The following SLC5A3 variants were observed in gnomAD, a reference collection of about 807,000 sequenced individuals.
The protein encoded by SLC5A3 is solute carrier family 5 member 3.
Under a neutral mutation model 43.2 loss-of-function variants are expected in SLC5A3, and 10 were observed. That is an observed-to-expected ratio of 0.23 (90% CI 0.14 to 0.39). The LOEUF is 0.39. Ranked by LOEUF, SLC5A3 falls within the 10% of genes least tolerant of loss-of-function variation. The pLI is 1.00. For missense variants in SLC5A3, 608 were observed against 893.4 expected (o/e 0.68, Z 4.07); for synonymous variants, 349 against 322.0 (o/e 1.08, Z -0.90).
chr21:34,087,920 G>A (rs1278159272), intron 1 of SLC5A3, among the ~76,000 whole-genome samples: 2 of 152,214 alleles, frequency 1.3e-5, no homozygotes, highest in African/African-American at 4.8e-5. Context: ...TGGGTTGAGG[G>A]AGAAAGTGAG....
rs769097268 is a variant in SLC5A3, at chr21:34,095,894, C to T, written c.696C>T (p.Asn232=). Residue 232 remains asparagine (N), a synonymous_variant, in exon 2 of 2, where the codon AAC becomes AAT. Transcript: ENST00000381151. ...TCACTTCCATCTTATTGACATACAA[C>T]CTTTCCAACACAAATTCTTGTAATG... The part of the protein sequence containing the change: ...PDVTSILLTY[N]LSNTNSCNVS... 6.2e-7 allele frequency: 1 copy of T among 1,614,098 alleles called. No homozygotes were observed. Among genetic ancestry groups the T allele is most frequent in the Non-Finnish European group, 8.5e-7 (1 of 1,179,982 alleles).
rs1376867600 is a variant in SLC5A3, at chr21:34,095,159, A to G, written c.-40A>G. The G allele has an allele frequency of 7.0e-7, 1 of 1,429,864 alleles. No homozygotes were observed. Among genetic ancestry groups the G allele is most frequent in the African/African-American group, 2.6e-5 (1 of 38,490 alleles). The allele number at this position is 1,429,864 out of a possible 1,614,324, so 88.6% of individuals were successfully genotyped here. On this transcript the variant is annotated 5_prime_UTR_variant, in exon 2 of 2. Coordinates refer to ENST00000381151, the MANE Select transcript of SLC5A3 (RefSeq NM_006933.7). The stretch of plus-strand genomic sequence containing the variant: ...ACTAAAAATAAATAAAAAGTTGGAC[A>G]CTTCTGTCATTGGAGCGCTATTATT...
At chr21:34,077,493 A>G (rs575689944) in intron 1 of SLC5A3, among the ~76,000 whole-genome samples, 251 of 152,348 alleles carry the variant, frequency 1.6e-3, no homozygotes, top group Non-Finnish European at 2.8e-3. Context: ...GAATTTTTAC[A>G]TGAAGAATTA....
intron 1 of SLC5A3, among the ~76,000 whole-genome samples, chr21:34,079,978 A>G (rs141672475): frequency 1.3e-5 from 2 of 152,178 alleles, no homozygotes; most frequent in East Asian, 3.9e-4. Context: ...GAACAAATGC[A>G]GTTCTTTCTT....
rs371663426 is a variant in SLC5A3, at chr21:34,095,856, G to T, written c.658G>T (p.Ala220Ser). 8 of 1,613,910 alleles carry T rather than the reference G, an allele frequency of 5.0e-6. No individual in the cohort carries two copies. In the African/African-American group the frequency reaches 1.1e-4, roughly 22 times the overall value. ...GGAAGTTAAGAGAAGGTACATGTTG[G>T]CCTCACCCGATGTCACTTCCATCTT... ...FEEVKRRYML[A>S]SPDVTSILLT... The change falls in exon 2 of 2, where the codon GCC becomes TCC. Residue 220 changes from alanine to serine, a missense_variant. Transcript: ENST00000381151.
chr21:34,099,810 T>G lies in SLC5A3; in HGVS notation c.*2455T>G. The G allele has an allele frequency of 8.4e-6, 6 of 710,558 alleles. No homozygotes were observed. The highest frequency in any genetic ancestry group is 1.1e-5 in the Non-Finnish European group (6 of 566,400). 44.0% of individuals were successfully genotyped at this position (710,558 alleles called of 1,614,324 possible). A position where few individuals can be genotyped will look rare whatever the true frequency, so the allele number is the denominator to read the frequency against. On this transcript the variant is annotated 3_prime_UTR_variant, in exon 2 of 2. Transcript: ENST00000381151. ...CATATTCATTAGAATTGTTTATTCTTGCCAGTATAAACATCATTTTATTTA... is the reference window on the plus strand; with the variant it reads ...CATATTCATTAGAATTGTTTATTCTGGCCAGTATAAACATCATTTTATTTA...
Position 34,100,764 on chromosome 21 carries a change from T to C in SLC5A3, c.*3409T>C. On this transcript the variant is annotated 3_prime_UTR_variant, in exon 2 of 2. Transcript: ENST00000381151. ...TGTGTCTGTATTCGCAGTCCATGGC[T>C]CATTTTCTTTATAGTAGGCATATGG... 1 of 1,000,226 alleles carries C rather than the reference T, an allele frequency of 1.0e-6. No individual in the cohort carries two copies. Among genetic ancestry groups the C allele is most frequent in the Non-Finnish European group, 1.2e-6 (1 of 829,950 alleles). 62.0% of individuals were successfully genotyped at this position (1,000,226 alleles called of 1,614,324 possible).
At chr21:34,073,885 G>A in intron 1 of SLC5A3, 140 bp downstream of exon 1, 1 of 281,410 alleles carries the variant, frequency 3.6e-6, no homozygotes, top group Non-Finnish European at 5.4e-6. Flanking sequence ...CGGGCGGGCG[G>A]CGGGCGTCCG....
rs1979397273 is a variant in SLC5A3, at chr21:34,104,626, T to G, written c.*7271T>G. On this transcript the variant is annotated 3_prime_UTR_variant, in exon 2 of 2. Transcript: ENST00000381151. ...CTGAACACTTTGAGGGAGAGATTAT[T>G]CTTGCCAGCAAAAAGCTAGCCAGGA... 2.0e-6 allele frequency: 2 copies of G among 1,000,130 alleles called. No individual in the cohort carries two copies. Among genetic ancestry groups the G allele is most frequent in the African/African-American group, 3.5e-5 (2 of 57,224 alleles). 62.0% of individuals were successfully genotyped at this position (1,000,130 alleles called of 1,614,324 possible).
At position 34,100,553 on chromosome 21, in the gene SLC5A3, A is replaced by C; in HGVS notation, c.*3198A>C. The C allele has an allele frequency of 1.0e-6, 1 of 1,000,206 alleles. No homozygotes were observed. Among genetic ancestry groups the C allele is most frequent in the Non-Finnish European group, 1.2e-6 (1 of 829,982 alleles). The allele number at this position is 1,000,206 out of a possible 1,614,324, so 62.0% of individuals were successfully genotyped here. Reference sequence around the variant, plus strand: ...TCACTTGGCTCAAAGGATCCATTGTATTTTGGCACAAAGAGCCTGGCCAGG... The same window carrying C: ...TCACTTGGCTCAAAGGATCCATTGTCTTTTGGCACAAAGAGCCTGGCCAGG... On this transcript the variant is annotated 3_prime_UTR_variant, in exon 2 of 2. Transcript: ENST00000381151.
intron 1 of SLC5A3, among the ~76,000 whole-genome samples, chr21:34,088,987 G>A (rs774944677): frequency 2.0e-5 from 3 of 152,004 alleles, no homozygotes; most frequent in Non-Finnish European, 4.4e-5. Context: ...CAAATGTTTG[G>A]TTAAGATTAC....
intron 1 of SLC5A3, among the ~76,000 whole-genome samples, chr21:34,074,638 TGAATTCG>T (rs1315062049): frequency 6.6e-6 from 1 of 152,224 alleles, no homozygotes; most frequent in African/African-American, 2.4e-5. Context: ...CATTCTCCCG[TGAATTCG>T]GAATTCGGTA....
chr21:34,099,808 C>A lies in SLC5A3; in HGVS notation c.*2453C>A. 1 of 729,218 alleles carries A rather than the reference C, an allele frequency of 1.4e-6. No homozygotes were observed. Among genetic ancestry groups the A allele is most frequent in the Non-Finnish European group, 1.7e-6 (1 of 583,534 alleles). The allele number at this position is 729,218 out of a possible 1,614,324, so 45.2% of individuals were successfully genotyped here. ...AGCATATTCATTAGAATTGTTTATT[C>A]TTGCCAGTATAAACATCATTTTATT... On this transcript the variant is annotated 3_prime_UTR_variant, in exon 2 of 2. Coordinates refer to ENST00000381151, the MANE Select transcript of SLC5A3 (RefSeq NM_006933.7).
At position 34,085,008 on chromosome 21, in the gene SLC5A3, A is replaced by G. The variant is rs1328759477; in HGVS notation, c.-336-9855A>G. On this transcript the variant is annotated intron_variant, in intron 1 of 1. Coordinates refer to ENST00000381151, the MANE Select transcript of SLC5A3 (RefSeq NM_006933.7). ...TAAGGGCCTTCCTCCTAACCACAAC[A>G]TAGTCATCACATTCAAAACGGACAT... 2.6e-5 allele frequency among the ~76,000 whole-genome samples: 4 copies of G among 152,324 alleles called. No homozygotes were observed. The South Asian group carries it at 6.2e-4, about 24-fold the overall frequency.
intron 1 of SLC5A3, among the ~76,000 whole-genome samples, chr21:34,077,013 T>C (rs1171961731): frequency 6.6e-6 from 1 of 152,108 alleles, no homozygotes; most frequent in African/African-American, 2.4e-5. Context: ...GAAAAAGAAA[T>C]GGATTGCCTG....
At chr21:34,075,071 T>C (rs1272870392) in intron 1 of SLC5A3, among the ~76,000 whole-genome samples, 3 of 152,248 alleles carry the variant, frequency 2.0e-5, no homozygotes, top group African/African-American at 7.2e-5. Flanking sequence ...CCAGCATATG[T>C]AACTCCGAAA....
chr21:34,091,853 GA>G (rs1434165405), intron 1 of SLC5A3, among the ~76,000 whole-genome samples: 1 of 152,084 alleles, frequency 6.6e-6, no homozygotes, highest in Non-Finnish European at 1.5e-5. Flanking sequence ...TCCCATTACA[GA>G]AGCTTTTTAA....
intron 1 of SLC5A3, among the ~76,000 whole-genome samples, chr21:34,078,506 C>T (rs1263801639): frequency 6.6e-6 from 1 of 151,974 alleles, no homozygotes; most frequent in Non-Finnish European, 1.5e-5. Flanking sequence ...TCATGACTCA[C>T]ACATTCAATA....
rs1979365875 is a variant in SLC5A3 at position 34,104,031 on chromosome 21, C to A, written c.*6676C>A. On this transcript the variant is annotated 3_prime_UTR_variant, in exon 2 of 2. Transcript: ENST00000381151. ...ATATTACCTCTTAACAGTGCCCCCC[C>A]AAACATGCAGAAAGTCATACTTTAA... 1.0e-6 allele frequency: 1 copy of A among 1,000,086 alleles called. No homozygotes were observed. Among genetic ancestry groups the A allele is most frequent in the Non-Finnish European group, 1.2e-6 (1 of 829,898 alleles). The allele number at this position is 1,000,086 out of a possible 1,614,324, so 62.0% of individuals were successfully genotyped here. A position where few individuals can be genotyped will look rare whatever the true frequency, so the allele number is the denominator to read the frequency against.
Sources: allele counts gnomAD v4.1 joint callset (sites outside exome capture counted in the v4.1 genomes callset), GRCh38; gene constraint gnomAD v4.1.1; transcripts MANE v1.5; gene names NCBI Gene and HGNC (gene_info 2026-07-23, HGNC 2026-07-21).